Variants in PRDM14 observed in about 807,000 individuals in gnomAD.
The protein encoded by PRDM14 is PR domain zinc finger protein 14.
PRDM14 carries 16 observed loss-of-function variants against 48.0 expected under a neutral mutation model. The ratio of observed to expected loss-of-function variants is 0.33; its 90% CI spans 0.23 to 0.51. The LOEUF (loss-of-function observed/expected upper bound fraction) is 0.51, where lower values mean the gene tolerates loss of function less well. Ranked by LOEUF, PRDM14 falls within the 20% of genes least tolerant of loss-of-function variation. PRDM14 has a pLI of 0.97. For synonymous variants in PRDM14, 264 were observed against 276.6 expected, an observed-to-expected ratio of 0.95 and a Z score of 0.45; for missense variants, 566 against 719.6, an observed-to-expected ratio of 0.79 and a Z score of 2.44.
At chr8:70,057,224 C>G (rs1368799298) in intron 6 of PRDM14, among the ~76,000 whole-genome samples, 1 of 152,066 alleles carries the variant, frequency 6.6e-6, no homozygotes, top group Non-Finnish European at 1.5e-5. Context: ...CTCGGCCTCC[C>G]AAAGTACTGG....
Position 70,069,483 on chromosome 8 carries a change from A to G in PRDM14, c.378T>C (p.Ser126=). 6.3e-7 allele frequency: 1 copy of G among 1,582,906 alleles called. No homozygotes were observed. Among genetic ancestry groups the G allele is most frequent in the Non-Finnish European group, 8.6e-7 (1 of 1,162,720 alleles). ...SSSHEYAGAS[S]EDLGHQIIGG... The stretch of plus-strand genomic sequence containing the variant: ...CAATGATTTGGTGGCCCAGATCTTC[A>G]CTGCTGGCACCCGCGTACTCGTGGC... The change falls in exon 2 of 8, where the codon AGT becomes AGC. Residue 126 remains serine, a synonymous_variant. Coordinates refer to ENST00000276594, the MANE Select transcript of PRDM14 (RefSeq NM_024504.4).
chr8:70,066,480 T>C lies in PRDM14; in HGVS notation c.938A>G (p.His313Arg). Residue 313 changes from histidine to arginine, a missense_variant, in exon 5 of 8, where the codon CAC becomes CGC. Coordinates refer to ENST00000276594, the MANE Select transcript of PRDM14 (RefSeq NM_024504.4). ...WEIFEDGHLSHFIDGKGGTGN... is the reference protein window; with the variant it reads ...WEIFEDGHLSRFIDGKGGTGN... ...CGTACCTCCTTTTCCATCTATAAAG[T>C]GGCTCAAATGACCATCTTCAAAGAT... The C allele has an allele frequency of 1.9e-6, 3 of 1,613,772 alleles. No individual in the cohort carries two copies. The highest frequency in any genetic ancestry group is 3.3e-4 in the Middle Eastern group (2 of 6,062).
chr8:70,069,707 G>C lies in PRDM14; in HGVS notation c.154C>G (p.Pro52Ala). The change falls in exon 2 of 8, where the codon CCT becomes GCT. Residue 52 changes from proline to alanine, a missense_variant. This residue lies in a region of PRDM14 where 410 missense variants were observed against 424.6 expected (regional missense o/e 0.97). Transcript: ENST00000276594. The part of the protein sequence containing the change: ...SLATVEEDFQ[P>A]FRQLEAAASA... ...GCTGCGGCCTCCAGCTGCCGGAAAG[G>C]TTGGAAGTCTTCCTCCACGGTGGCC... 6.4e-7 allele frequency: 1 copy of C among 1,569,204 alleles called. No homozygotes were observed. Among genetic ancestry groups the C allele is most frequent in the Non-Finnish European group, 8.6e-7 (1 of 1,156,946 alleles).
intron 2 of PRDM14, among the ~76,000 whole-genome samples, chr8:70,068,777 C>G (rs1337623613): frequency 6.6e-6 from 1 of 152,244 alleles, no homozygotes; most frequent in Non-Finnish European, 1.5e-5. Flanking sequence ...GTAATTAACC[C>G]CATTAGGCAA....
intron 7 of PRDM14, among the ~76,000 whole-genome samples, chr8:70,053,967 G>A (rs1342201755): frequency 6.6e-6 from 1 of 152,168 alleles, no homozygotes; most frequent in African/African-American, 2.4e-5. Context: ...ATGGCCACAT[G>A]GAGCCATTGA....
intron 4 of PRDM14, 70 bp downstream of exon 4, chr8:70,068,160 A>T: frequency 1.3e-6 from 2 of 1,575,484 alleles, no homozygotes; most frequent in African/African-American, 2.7e-5. Context: ...CAAAAGGGCA[A>T]AGGCCAAGAT....
rs531780789 is a variant in PRDM14, at chr8:70,052,008, G to A, written c.*69C>T. 45 of 1,096,330 alleles carry A rather than the reference G, an allele frequency of 4.1e-5. No individual in the cohort carries two copies. The South Asian group carries it at 6.5e-4, about 16-fold the overall frequency. The allele number at this position is 1,096,330 out of a possible 1,614,324, so 67.9% of individuals were successfully genotyped here. A position where few individuals can be genotyped will look rare whatever the true frequency, so the allele number is the denominator to read the frequency against. ...AGGCTGGTCTCGAACTCCTGGACTT[G>A]AGTGATCCACCCACCTCTGCCTCCC... On this transcript the variant is annotated 3_prime_UTR_variant, in exon 8 of 8. Transcript: ENST00000276594.
chr8:70,058,934 A>G (rs1280716986), intron 5 of PRDM14, 92 bp from the exon 6 acceptor site: 5 of 1,134,862 alleles, frequency 4.4e-6, no homozygotes, highest in South Asian at 1.6e-5. Context: ...TTTTTAGCCA[A>G]GAATTCTTTG....
intron 6 of PRDM14, 66 bp downstream of exon 6, chr8:70,058,574 C>A (rs7016464): frequency 4.9e-6 from 7 of 1,431,520 alleles, no homozygotes; most frequent in Admixed American, 1.7e-5. Flanking sequence ...GGCAACTCCC[C>A]GTGTTCAGGA....
Position 70,069,418 on chromosome 8 carries a change from G to C in PRDM14, c.443C>G (p.Thr148Ser), listed in dbSNP as rs1479772576. The stretch of plus-strand genomic sequence containing the variant: ...ATCCGCAGGGGGCGGTGGAATTAAA[G>C]TGTCAGGTCCACAACACGGGCCACT... The part of the protein sequence containing the change: ...NESGPCCGPD[T>S]LIPPPPADAS... Residue 148 changes from threonine (T) to serine (S), a missense_variant, in exon 2 of 8, where the codon ACT becomes AGT. Coordinates refer to ENST00000276594, the MANE Select transcript of PRDM14 (RefSeq NM_024504.4). 2 of 1,602,474 alleles carry C rather than the reference G, an allele frequency of 1.2e-6. No individual in the cohort carries two copies. The highest frequency in any genetic ancestry group is 1.7e-5 in the Admixed American group (1 of 58,964).
In PRDM14 at chr8:70,070,208, T is replaced by C. The variant is rs117395924; in HGVS notation, c.-24-324A>G. 1.5e-3 allele frequency among the ~76,000 whole-genome samples: 228 copies of C among 152,208 alleles called. No homozygotes were observed. The East Asian group carries it at 0.029, about 20-fold the overall frequency. On this transcript the variant is annotated intron_variant, in intron 1 of 7. Coordinates refer to ENST00000276594, the MANE Select transcript of PRDM14 (RefSeq NM_024504.4). ...GCCTTCCCACACCCGCTCTCCGCTT[T>C]CGGCCCCCAACCCGGTTCCTGCAAA... is the stretch of plus-strand genomic sequence containing the variant.
intron 5 of PRDM14, among the ~76,000 whole-genome samples, chr8:70,065,102 G>A (rs759619143): frequency 2.6e-5 from 4 of 151,868 alleles, no homozygotes; most frequent in Admixed American, 6.6e-5. Flanking sequence ...TAGCCAGGAT[G>A]GTCTTGATCT....
chr8:70,053,098 T>TTAAA (rs1281963511), intron 7 of PRDM14, among the ~76,000 whole-genome samples: 12 of 82,170 alleles, frequency 1.5e-4, no homozygotes, highest in South Asian at 5.3e-4. Context: ...ACCCTCTCTT[T>TTAAA]AAAAAAAAAA....
chr8:70,068,139 C>G (rs1291636506), intron 4 of PRDM14, 91 bp downstream of exon 4: 7 of 1,423,402 alleles, frequency 4.9e-6, no homozygotes, highest in Middle Eastern at 3.6e-4. Flanking sequence ...TCTCTCTGAC[C>G]AGGACTCTCC....
At chr8:70,057,997 A>G (rs1278674550) in intron 6 of PRDM14, among the ~76,000 whole-genome samples, 1 of 152,192 alleles carries the variant, frequency 6.6e-6, no homozygotes, top group Non-Finnish European at 1.5e-5. Context: ...GCAAGAATAC[A>G]TCTGTGCCCA....
At chr8:70,062,586 C>A (rs896454056) in intron 5 of PRDM14, among the ~76,000 whole-genome samples, 4 of 151,914 alleles carry the variant, frequency 2.6e-5, no homozygotes, top group Non-Finnish European at 5.9e-5. Context: ...GCTCCAGCCT[C>A]CTGAGTAGCT....
At chr8:70,067,870 T>C (rs769054378) in intron 4 of PRDM14, among the ~76,000 whole-genome samples, 1 of 152,218 alleles carries the variant, frequency 6.6e-6, no homozygotes, top group Non-Finnish European at 1.5e-5. Context: ...AATATTGAAT[T>C]TTAAAACTTG....
chr8:70,070,961 C>T (rs1481099002), intron 1 of PRDM14, among the ~76,000 whole-genome samples, 189 bp downstream of exon 1: 1 of 152,208 alleles, frequency 6.6e-6, no homozygotes, highest in African/African-American at 2.4e-5. Context: ...CCCGTCTCCT[C>T]CCGATCCTCC....
In PRDM14 at chr8:70,058,642, T is replaced by C. The variant is rs764236708; in HGVS notation, c.1384A>G (p.Lys462Glu). ...TCATGTGTCCTCCTAATACTCACCT[T>C]GTGAGGCCGGTGCTTCTCATGAACA... ...LHVHEKHRPH[K>E]CSTCGKCFSQ... The change falls in exon 6 of 8, where the codon AAG becomes GAG. Residue 462 changes from lysine to glutamate, a missense_variant and splice_region_variant. Around this residue, in one of 3 missense-constraint regions of PRDM14, gnomAD observed 126 missense variants for 271.6 expected, o/e 0.46. Coordinates refer to ENST00000276594, the MANE Select transcript of PRDM14 (RefSeq NM_024504.4). 1.2e-6 allele frequency: 2 copies of C among 1,613,260 alleles called. No individual in the cohort carries two copies. Among genetic ancestry groups the C allele is most frequent in the Non-Finnish European group, 1.7e-6 (2 of 1,179,662 alleles).
Sources: gnomAD v4.1 joint callset for allele counts (sites outside exome capture counted in the v4.1 genomes callset) on GRCh38, gnomAD v4.1.1 for gene constraint, gnomAD v4.1.1 regional missense constraint, MANE v1.5 for transcripts, NCBI Gene and HGNC (gene_info 2026-07-23, HGNC 2026-07-21) for gene names.